Variants in APP observed in about 807,000 individuals in gnomAD.
The protein encoded by APP is amyloid beta precursor protein.
In APP, 31 loss-of-function variants were observed where a neutral mutation model predicts 101.4. That is an observed-to-expected ratio of 0.31 (90% CI 0.23 to 0.41). APP has a LOEUF of 0.41. Among genes scored for constraint, APP ranks in the 10% least tolerant of loss-of-function variants. The probability of loss-of-function intolerance (pLI) is 1.00; values close to 1 mark genes in which losing one functional copy is unlikely to be tolerated. For missense variants in APP, 839 were observed against 1,003.7 expected, an observed-to-expected ratio of 0.84 and a Z score of 2.22; for synonymous variants, 366 against 364.4, an observed-to-expected ratio of 1.00 and a Z score of -0.05.
intron 16 of APP, 47 bp from the exon 17 acceptor site, chr21:25,891,915 T>C: frequency 6.4e-7 from 1 of 1,551,220 alleles, no homozygotes; most frequent in Non-Finnish European, 8.8e-7. Context: ...AAATGCAATA[T>C]AATTTACAAT....
chr21:26,111,137 C>CTTTTT (rs1811173506), intron 2 of APP, among the ~76,000 whole-genome samples: 1 of 127,538 alleles, frequency 7.8e-6, no homozygotes, highest in African/African-American at 2.9e-5. Context: ...GAACTTTGTA[C>CTTTTT]TTTTTTTGTA....
rs927761605 is a variant in APP, at chr21:25,920,251, C to A, written c.1688-8289G>T. On this transcript the variant is annotated intron_variant, in intron 13 of 17. Coordinates refer to ENST00000346798, the MANE Select transcript of APP (RefSeq NM_000484.4). ...AGCACTAAACATGCAAAGGAACAAC[C>A]GGTACCAGCCGCTGCAAAATCATGC... 2.0e-5 allele frequency among the ~76,000 whole-genome samples: 3 copies of A among 152,030 alleles called. No homozygotes were observed. The East Asian group carries it at 5.8e-4, about 29-fold the overall frequency.
At chr21:25,912,012 CA>C (rs1182294875) in intron 13 of APP, 50 bp from the exon 14 acceptor site, 10 of 1,349,148 alleles carry the variant, frequency 7.4e-6, no homozygotes, top group Non-Finnish European at 1.1e-5. Context: ...ATCACAACAG[CA>C]GCAGCAGCAG....
intron 9 of APP, 81 bp downstream of exon 9, chr21:25,982,263 A>G: frequency 7.1e-7 from 1 of 1,400,704 alleles, no homozygotes. Context: ...TAAAGCCAGC[A>G]GGCCTGTGGG....
intron 3 of APP, among the ~76,000 whole-genome samples, chr21:26,070,388 A>G (rs1160628112): frequency 6.6e-6 from 1 of 152,190 alleles, no homozygotes; most frequent in African/African-American, 2.4e-5. Context: ...CTTCTAAGGA[A>G]GAAGGTTTAA....
chr21:25,913,252 TGTA>T (rs2146324941), intron 13 of APP, among the ~76,000 whole-genome samples: 1 of 152,378 alleles, frequency 6.6e-6, no homozygotes, highest in South Asian at 2.1e-4. Flanking sequence ...TATCTTTTCA[TGTA>T]GTCAGTTTTA....
Position 25,923,277 on chromosome 21 carries a change from CT to C in APP, c.1688-11316del, listed in dbSNP as rs749599434. On this transcript the variant is annotated intron_variant, in intron 13 of 17. Transcript: ENST00000346798. The stretch of plus-strand genomic sequence containing the variant: ...CGTTAGACCTAAAACCATAAAAACC[CT>C]AGAAGAAAACCTAGGCATTACCATT... Among the ~76,000 whole-genome samples, 294 of 142,694 alleles carry C rather than the reference CT, an allele frequency of 2.1e-3. 4 individuals carry two copies. Among genetic ancestry groups the C allele is most frequent in the Non-Finnish European group, 3.3e-3 (218 of 66,568 alleles). 93.6% of individuals were successfully genotyped at this position (142,694 alleles called of 152,430 possible).
At chr21:25,889,783 G>A (rs1204535768) in intron 17 of APP, among the ~76,000 whole-genome samples, 1 of 152,078 alleles carries the variant, frequency 6.6e-6, no homozygotes, top group Non-Finnish European at 1.5e-5. Flanking sequence ...GGAGGTGGAG[G>A]TTGCAGTGAG....
intron 4 of APP, among the ~76,000 whole-genome samples, chr21:26,052,769 G>C (rs777769918): frequency 6.6e-6 from 1 of 152,110 alleles, no homozygotes; most frequent in South Asian, 2.1e-4. Context: ...AGATAACAGG[G>C]GAAAAGGCTA....
intron 17 of APP, among the ~76,000 whole-genome samples, chr21:25,883,885 T>C (rs1412408736): frequency 6.6e-6 from 1 of 152,130 alleles, no homozygotes; most frequent in Non-Finnish European, 1.5e-5. Flanking sequence ...GACAGAATGT[T>C]CCATCCATTA....
intron 1 of APP, among the ~76,000 whole-genome samples, chr21:26,129,158 A>G (rs1418307744): frequency 6.6e-6 from 1 of 152,180 alleles, no homozygotes; most frequent in Non-Finnish European, 1.5e-5. Context: ...AGAATTTTAT[A>G]AGGTCCCAAT....
intron 17 of APP, among the ~76,000 whole-genome samples, chr21:25,887,529 A>C (rs937686243): frequency 2.6e-5 from 4 of 151,526 alleles, no homozygotes; most frequent in Admixed American, 1.3e-4. Flanking sequence ...AAAAAAAAAA[A>C]AAAAAAAAAA....
At chr21:25,905,610 C>G (rs1360684554) in intron 14 of APP, among the ~76,000 whole-genome samples, 1 of 152,120 alleles carries the variant, frequency 6.6e-6, no homozygotes, top group Non-Finnish European at 1.5e-5. Flanking sequence ...TCAAATTTGT[C>G]CTTAGTATGA....
At chr21:25,987,566 T>C (rs2042685815) in intron 8 of APP, among the ~76,000 whole-genome samples, 1 of 152,214 alleles carries the variant, frequency 6.6e-6, no homozygotes, top group Non-Finnish European at 1.5e-5. Flanking sequence ...TAAACACTCA[T>C]AACAAATGAA....
At chr21:25,931,628 G>A (rs1296866565) in intron 13 of APP, among the ~76,000 whole-genome samples, 2 of 152,196 alleles carry the variant, frequency 1.3e-5, no homozygotes, top group Non-Finnish European at 2.9e-5. Context: ...GAGTGATACA[G>A]CCAGAAAGAT....
chr21:25,884,451 C>G (rs920677079), intron 17 of APP, among the ~76,000 whole-genome samples: 3 of 152,232 alleles, frequency 2.0e-5, no homozygotes, highest in African/African-American at 7.2e-5. Context: ...TCTCCTCTTT[C>G]CTTTGCTGTG....
chr21:26,140,310 G>A (rs2063015622), intron 1 of APP: 2 of 1,531,542 alleles, frequency 1.3e-6, no homozygotes, highest in Non-Finnish European at 1.7e-6. Context: ...CCAGGCCAGA[G>A]CTTCCATCCT....
chr21:26,059,890 C>CAAAAAAAAAAAAAAAAAAAAAAAAAAA (rs57594630), intron 3 of APP, among the ~76,000 whole-genome samples: 4 of 70,660 alleles, frequency 5.7e-5, no homozygotes, highest in East Asian at 1.1e-3. Context: ...GACTCCGTCT[C>CAAAAAAAAAAAAAAAAAAAAAAAAAAA]AAAAAAAAAA....
intron 5 of APP, among the ~76,000 whole-genome samples, chr21:26,031,391 A>C (rs892744738): frequency 2.0e-5 from 3 of 152,162 alleles, no homozygotes. Context: ...TTGGGAAAAA[A>C]TAATTGGTTC....
Sources: gnomAD v4.1 joint callset for allele counts (sites outside exome capture counted in the v4.1 genomes callset) on GRCh38, gnomAD v4.1.1 for gene constraint, MANE v1.5 for transcripts, NCBI Gene and HGNC (gene_info 2026-07-23, HGNC 2026-07-21) for gene names.